The following USP32 variants were observed in gnomAD, a reference collection of about 807,000 sequenced individuals.
The protein encoded by USP32 is ubiquitin carboxyl-terminal hydrolase 32.
USP32 carries 59 observed loss-of-function variants against 204.8 expected under a neutral mutation model. The observed-to-expected ratio is 0.29, with a 90% confidence interval of 0.23 to 0.36. The LOEUF (loss-of-function observed/expected upper bound fraction) is 0.36, where lower values mean the gene tolerates loss of function less well. Ranked by LOEUF, USP32 falls within the 10% of genes least tolerant of loss-of-function variation. The probability of loss-of-function intolerance (pLI) is 1.00; values close to 1 mark genes in which losing one functional copy is unlikely to be tolerated. For missense variants in USP32, 1,160 were observed against 1,946.4 expected (o/e 0.60, Z 7.60); for synonymous variants, 517 against 678.4 (o/e 0.76, Z 3.70).
At chr17:60,244,898 C>T (rs555746193) in intron 11 of USP32, among the ~76,000 whole-genome samples, 3 of 152,352 alleles carry the variant, frequency 2.0e-5, no homozygotes, top group East Asian at 1.9e-4. Context: ...TCCCAAAGAG[C>T]TGGGATTACA....
chr17:60,384,306 A>G (rs1368578445), intron 1 of USP32, among the ~76,000 whole-genome samples: 1 of 152,238 alleles, frequency 6.6e-6, no homozygotes, highest in Non-Finnish European at 1.5e-5. Flanking sequence ...GGCTTTTGCC[A>G]CAGGGATAAG....
chr17:60,208,598 T>C (rs1404098183), intron 23 of USP32, 56 bp downstream of exon 23: 9 of 1,455,360 alleles, frequency 6.2e-6, no homozygotes, highest in Non-Finnish European at 8.2e-6. Context: ...ATTCAGGCTA[T>C]TTAAATAAAG....
intron 29 of USP32, 180 bp from the exon 30 acceptor site, chr17:60,185,831 G>A (rs2084236458): frequency 1.5e-6 from 1 of 652,662 alleles, no homozygotes; most frequent in Non-Finnish European, 2.4e-6. Flanking sequence ...GGAGGCCGAG[G>A]TGGGGTAATT....
Position 60,211,559 on chromosome 17 carries a change from G to T in USP32, c.2180-45C>A, listed in dbSNP as rs375707787. Reference sequence around the variant, plus strand: ...AACCAAAGCTTAGCTGTAGTAATATGCCATGGCACAAACAGTTACTTATAT... The same window carrying T: ...AACCAAAGCTTAGCTGTAGTAATATTCCATGGCACAAACAGTTACTTATAT... On this transcript the variant is annotated intron_variant, in intron 19 of 33. Transcript: ENST00000300896. 99 of 1,569,806 alleles carry T rather than the reference G, an allele frequency of 6.3e-5. No individual in the cohort carries two copies. In the Middle Eastern group the frequency reaches 1.0e-3, roughly 16 times the overall value.
At chr17:60,324,419 G>A (rs2088182961) in intron 2 of USP32, among the ~76,000 whole-genome samples, 1 of 151,952 alleles carries the variant, frequency 6.6e-6, no homozygotes, top group South Asian at 2.1e-4. Flanking sequence ...TCCACATGAG[G>A]CAGGAGAAGA....
chr17:60,366,330 T>G (rs2146072456), intron 1 of USP32, among the ~76,000 whole-genome samples: 1 of 152,228 alleles, frequency 6.6e-6, no homozygotes, highest in Middle Eastern at 3.4e-3. Flanking sequence ...AGCTAATTTT[T>G]GTATTTTCAG....
chr17:60,263,988 T>C (rs1298512993), intron 9 of USP32, among the ~76,000 whole-genome samples: 2 of 152,286 alleles, frequency 1.3e-5, no homozygotes, highest in East Asian at 3.9e-4. Flanking sequence ...GACTCCAATT[T>C]ATGCAAATGT....
At chr17:60,206,136 T>C (rs1259798209) in intron 25 of USP32, among the ~76,000 whole-genome samples, 5 of 148,936 alleles carry the variant, frequency 3.4e-5, no homozygotes, top group Non-Finnish European at 7.4e-5. Context: ...CTAGGCAACA[T>C]GGTGAAAACC....
intron 2 of USP32, among the ~76,000 whole-genome samples, chr17:60,326,236 A>C (rs1046432378): frequency 4.6e-5 from 7 of 152,196 alleles, no homozygotes; most frequent in African/African-American, 1.4e-4. Context: ...CATAAATCAA[A>C]GATTGCATTT....
intron 4 of USP32, among the ~76,000 whole-genome samples, chr17:60,289,649 G>A (rs918930133): frequency 2.2e-4 from 33 of 152,074 alleles, no homozygotes; most frequent in African/African-American, 7.7e-4. Context: ...GGTTGTTCAC[G>A]CCAATCCCTT....
At chr17:60,215,937 G>T (rs897541432) in intron 16 of USP32, among the ~76,000 whole-genome samples, 5 of 152,102 alleles carry the variant, frequency 3.3e-5, no homozygotes, top group Non-Finnish European at 4.4e-5. Context: ...AAGGCTCAGG[G>T]AATCCTCCCA....
intron 3 of USP32, among the ~76,000 whole-genome samples, chr17:60,296,129 A>G (rs1451281515): frequency 1.3e-5 from 2 of 152,248 alleles, no homozygotes; most frequent in Non-Finnish European, 2.9e-5. Flanking sequence ...TTAAAAAATC[A>G]AATCAGGGAC....
At chr17:60,303,226 C>T (rs2087630296) in intron 2 of USP32, among the ~76,000 whole-genome samples, 1 of 152,016 alleles carries the variant, frequency 6.6e-6, no homozygotes, top group Non-Finnish European at 1.5e-5. Flanking sequence ...TTAGTTGCCC[C>T]ATCTCCCACT....
chr17:60,330,609 C>G (rs913854989), intron 2 of USP32, among the ~76,000 whole-genome samples: 1 of 150,906 alleles, frequency 6.6e-6, no homozygotes, highest in African/African-American at 2.4e-5. Context: ...TGCAGTGGTG[C>G]AATCATGGTT....
chr17:60,237,200 G>A (rs1368696195), intron 11 of USP32, among the ~76,000 whole-genome samples: 1 of 151,566 alleles, frequency 6.6e-6, no homozygotes, highest in East Asian at 1.9e-4. Context: ...GAGTGCAGTG[G>A]TGCAATCTCA....
rs534949386 is a variant in USP32 at position 60,406,676 on chromosome 17, C to T, written c.106+15570G>A. On this transcript the variant is annotated intron_variant, in intron 1 of 3. Coordinates refer to the USP32 transcript ENST00000588898. ...GATTACAGGCACGCGCCACCACGCC[C>T]AGCTAATTTTTGTATTTTTAGTAGA... 1.8e-4 allele frequency among the ~76,000 whole-genome samples: 27 copies of T among 152,044 alleles called. No homozygotes were observed. In the South Asian group the frequency reaches 4.6e-3, roughly 26 times the overall value.
chr17:60,320,135 C>T (rs927710066), intron 2 of USP32, among the ~76,000 whole-genome samples: 2 of 152,172 alleles, frequency 1.3e-5, no homozygotes, highest in Admixed American at 6.5e-5. Context: ...CCTCATTTAA[C>T]ATCATGGATA....
Position 60,331,688 on chromosome 17 carries a change from T to C in USP32, c.186+13793A>G, listed in dbSNP as rs181641188. On this transcript the variant is annotated intron_variant, in intron 2 of 33. Transcript: ENST00000300896. ...ACTTTGGGAGGCCAAGGTGGGAGGA[T>C]TGCTTGAGTCCAGGAGTTCAAGACC... Among the ~76,000 whole-genome samples the C allele has an allele frequency of 1.7e-3, 214 of 127,726 alleles. 1 individual carries two copies. The highest frequency in any genetic ancestry group is 8.3e-3 in the Middle Eastern group (1 of 120). 83.8% of individuals were successfully genotyped at this position (127,726 alleles called of 152,430 possible). A position where few individuals can be genotyped will look rare whatever the true frequency, so the allele number is the denominator to read the frequency against.
intron 2 of USP32, among the ~76,000 whole-genome samples, chr17:60,304,284 A>G (rs1186996416): frequency 6.6e-6 from 1 of 152,122 alleles, no homozygotes; most frequent in Non-Finnish European, 1.5e-5. Flanking sequence ...CTAAAGGAAA[A>G]AAACTCAACC....
Sources: gnomAD v4.1 joint callset for allele counts (sites outside exome capture counted in the v4.1 genomes callset) on GRCh38, gnomAD v4.1.1 for gene constraint, MANE v1.5 for transcripts, NCBI Gene and HGNC (gene_info 2026-07-23, HGNC 2026-07-21) for gene names.